Variants in PKHD1 observed in about 807,000 individuals in gnomAD.
The protein encoded by PKHD1 is PKHD1 ciliary IPT domain containing fibrocystin/polyductin, also known as fibrocystin.
In PKHD1, 291 loss-of-function variants were observed where a neutral mutation model predicts 412.0. The ratio of observed to expected loss-of-function variants is 0.71; its 90% CI spans 0.64 to 0.78. The LOEUF (loss-of-function observed/expected upper bound fraction) is 0.78, where lower values mean the gene tolerates loss of function less well. Among genes scored for constraint, PKHD1 ranks in the 30% least tolerant of loss-of-function variants. The pLI, the probability that PKHD1 is intolerant of heterozygous loss-of-function variation, is 0.00. For missense variants in PKHD1, 4,825 were observed against 4,950.7 expected, an observed-to-expected ratio of 0.97 and a Z score of 0.76; for synonymous variants, 1,777 against 1,821.5, an observed-to-expected ratio of 0.98 and a Z score of 0.62.
intron 45 of PKHD1, among the ~76,000 whole-genome samples, chr6:51,883,525 AAAGGT>A: frequency 6.6e-6 from 1 of 152,314 alleles, no homozygotes; most frequent in South Asian, 2.1e-4. Flanking sequence ...CAAATCACAC[AAAGGT>A]AACAGAGAAA....
intron 28 of PKHD1, among the ~76,000 whole-genome samples, chr6:52,034,330 G>A (rs1803585868): frequency 1.4e-5 from 2 of 147,294 alleles, no homozygotes; most frequent in African/African-American, 2.5e-5. Flanking sequence ...AGTTGTTTCA[G>A]GAAGGGGGAC....
intron 55 of PKHD1, among the ~76,000 whole-genome samples, chr6:51,758,334 A>G (rs1582502869): frequency 6.6e-6 from 1 of 152,126 alleles, no homozygotes; most frequent in East Asian, 1.9e-4. Context: ...AACAGTGGTA[A>G]CTTCAGAGGA....
intron 27 of PKHD1, among the ~76,000 whole-genome samples, chr6:52,040,782 A>G (rs1804747541): frequency 6.6e-6 from 1 of 152,064 alleles, no homozygotes. Flanking sequence ...CATTCCTCCA[A>G]TGCCAATGAC....
intron 60 of PKHD1, among the ~76,000 whole-genome samples, chr6:51,660,653 T>C (rs1225892307): frequency 1.3e-5 from 2 of 152,144 alleles, no homozygotes; most frequent in Non-Finnish European, 2.9e-5. Flanking sequence ...ACTTATGTTT[T>C]TTCATTTATT....
chr6:51,863,054 T>C (rs1428793908), intron 48 of PKHD1, among the ~76,000 whole-genome samples: 2 of 152,166 alleles, frequency 1.3e-5, no homozygotes, highest in African/African-American at 4.8e-5. Context: ...GAGTACCTAC[T>C]ACATGTCAAG....
intron 45 of PKHD1, among the ~76,000 whole-genome samples, chr6:51,885,368 A>G (rs1778046765): frequency 6.6e-6 from 1 of 152,198 alleles, no homozygotes; most frequent in Non-Finnish European, 1.5e-5. Flanking sequence ...TTTGTGTATC[A>G]ATGACGAACA....
chr6:51,776,573 C>T (rs1791061033), intron 53 of PKHD1, among the ~76,000 whole-genome samples: 1 of 151,976 alleles, frequency 6.6e-6, no homozygotes, highest in Non-Finnish European at 1.5e-5. Flanking sequence ...TTAGCATTTA[C>T]TCCTCACAAC....
At chr6:51,987,206 G>C (rs1332772682) in intron 35 of PKHD1, among the ~76,000 whole-genome samples, 1 of 152,178 alleles carries the variant, frequency 6.6e-6, no homozygotes, top group African/African-American at 2.4e-5. Context: ...CATTTTGGTA[G>C]CACATTAAAT....
At chr6:51,863,351 C>G (rs919307540) in intron 48 of PKHD1, among the ~76,000 whole-genome samples, 2 of 152,200 alleles carry the variant, frequency 1.3e-5, no homozygotes, top group Non-Finnish European at 2.9e-5. Context: ...CTCCCTCACA[C>G]TCAATACAGT....
At chr6:51,919,918 T>G (rs979018631) in intron 37 of PKHD1, among the ~76,000 whole-genome samples, 3 of 152,118 alleles carry the variant, frequency 2.0e-5, no homozygotes, top group African/African-American at 7.2e-5. Context: ...TCACTCATGA[T>G]TTGGTTCTTT....
chr6:51,907,304 A>C lies in PKHD1; in HGVS notation c.6683-964T>G, dbSNP rs145225805. Among the ~76,000 whole-genome samples the C allele has an allele frequency of 2.5e-3, 378 of 152,290 alleles. 3 individuals are homozygous for C. The highest frequency in any genetic ancestry group is 8.1e-3 in the African/African-American group (338 of 41,572). The stretch of plus-strand genomic sequence containing the variant: ...CTTTTACAGTTGGGACTATCCAAAA[A>C]ATTCTAAACTTTAACATCACTATCA... On this transcript the variant is annotated intron_variant, in intron 40 of 66. Transcript: ENST00000371117.
chr6:51,911,984 T>C (rs750042330), intron 38 of PKHD1, 28 bp from the exon 39 acceptor site: 10 of 1,567,502 alleles, frequency 6.4e-6, no homozygotes, highest in Non-Finnish European at 8.8e-6. Flanking sequence ...ATGATAGAAC[T>C]GAGGACATCA....
chr6:52,057,441 G>A (rs1479205172), intron 16 of PKHD1, among the ~76,000 whole-genome samples: 7 of 151,112 alleles, frequency 4.6e-5, no homozygotes, highest in Non-Finnish European at 1.5e-5. Flanking sequence ...TTTTTTAGAT[G>A]GAGTTTCACT....
chr6:51,748,717 G>A (rs373132937), intron 57 of PKHD1, 52 bp from the exon 58 acceptor site: 2 of 1,509,002 alleles, frequency 1.3e-6, no homozygotes, highest in South Asian at 1.1e-5. Flanking sequence ...ACAAAAGGCT[G>A]AAGAATGGCC....
rs1310620796 is a variant in PKHD1 at position 51,904,037 on chromosome 6, A to G, written c.6814T>C (p.Cys2272Arg). 1.3e-5 allele frequency: 21 copies of G among 1,592,360 alleles called. No individual in the cohort carries two copies. In the African/African-American group the frequency reaches 2.7e-4, roughly 20 times the overall value. Residue 2272 changes from cysteine (C) to arginine (R), a missense_variant, in exon 42 of 67, where the codon TGC (cysteine) becomes CGC (arginine). Physicochemically the swap from Cys to Arg is radical, Grantham distance 180. Transcript: ENST00000371117. ...CAGGAGATATATCTCATCTCCGTGC[A>G]TGTCCCTGAGAACAAAAGACCCCAT... ...ILGHALLVGTCTEMRYISWEA... is the reference protein window; with the variant it reads ...ILGHALLVGTRTEMRYISWEA...
At chr6:51,913,412 A>C (rs1783283361) in intron 37 of PKHD1, among the ~76,000 whole-genome samples, 2 of 152,064 alleles carry the variant, frequency 1.3e-5, no homozygotes, top group Admixed American at 6.6e-5. Context: ...CCAGCATGCT[A>C]ATCTCTAATT....
intron 46 of PKHD1, among the ~76,000 whole-genome samples, chr6:51,882,888 A>G (rs1209980228): frequency 2.0e-5 from 3 of 152,368 alleles, no homozygotes; most frequent in Admixed American, 6.5e-5. Flanking sequence ...ATCTGTACTC[A>G]TAACACTAAA....
At position 51,639,160 on chromosome 6, in the gene PKHD1, T is replaced by C. The variant is rs2661510; in HGVS notation, c.11399-204A>G. ...AATAACAGTTAACATATATTGAAAGTTCCACTATGCCAGACACTGTTCTAT... is the reference window on the plus strand; with the variant it reads ...AATAACAGTTAACATATATTGAAAGCTCCACTATGCCAGACACTGTTCTAT... On this transcript the variant is annotated intron_variant, in intron 63 of 66. Coordinates refer to ENST00000371117, the MANE Select transcript of PKHD1 (RefSeq NM_138694.4). Among the ~76,000 whole-genome samples the C allele has an allele frequency of 0.043, 6,508 of 152,150 alleles. 233 individuals carry two copies. The highest frequency in any genetic ancestry group is 0.093 in the African/African-American group (3,853 of 41,526).
At chr6:51,622,801 T>C (rs1481041523) in intron 66 of PKHD1, 1 of 152,174 alleles carries the variant, frequency 6.6e-6, no homozygotes, top group Non-Finnish European at 1.5e-5. Flanking sequence ...ATTTCCTTTG[T>C]AATATTTTAT....
Sources: allele counts gnomAD v4.1 joint callset (sites outside exome capture counted in the v4.1 genomes callset), GRCh38; gene constraint gnomAD v4.1.1; transcripts MANE v1.5; gene names NCBI Gene and HGNC (gene_info 2026-07-23, HGNC 2026-07-21).